The following CADM2 variants were observed in gnomAD, a reference collection of about 807,000 sequenced individuals.
CADM2 encodes immunoglobulin superfamily member 4D.
A neutral mutation model predicts 49.8 loss-of-function variants in CADM2; 12 were observed. That is an observed-to-expected ratio of 0.24 (90% CI 0.15 to 0.39). The LOEUF is 0.39. Among genes scored for constraint, CADM2 ranks in the 10% least tolerant of loss-of-function variants. The probability of loss-of-function intolerance (pLI) is 1.00; values close to 1 mark genes in which losing one functional copy is unlikely to be tolerated. For synonymous variants in CADM2, 214 were observed against 175.4 expected, an observed-to-expected ratio of 1.22 and a Z score of -1.74; for missense variants, 378 against 492.3, an observed-to-expected ratio of 0.77 and a Z score of 2.20.
intron 1 of CADM2, among the ~76,000 whole-genome samples, chr3:85,100,542 G>T (rs1429047154): frequency 1.3e-5 from 2 of 152,056 alleles, no homozygotes; most frequent in African/African-American, 4.8e-5. Flanking sequence ...ATCTCATTGG[G>T]TTACACATAG....
intron 1 of CADM2, among the ~76,000 whole-genome samples, chr3:85,097,630 T>G (rs776431282): frequency 5.4e-4 from 82 of 152,200 alleles, no homozygotes; most frequent in Non-Finnish European, 1.1e-3. Flanking sequence ...TGTAAAAGTG[T>G]TCCTATTTCT....
chr3:85,153,039 T>C (rs1366545112), intron 1 of CADM2, among the ~76,000 whole-genome samples: 1 of 151,014 alleles, frequency 6.6e-6, no homozygotes, highest in Non-Finnish European at 1.5e-5. Context: ...AAGATGGGAA[T>C]AAAAATTACC....
At chr3:85,452,497 A>G (rs1351293098) in intron 1 of CADM2, among the ~76,000 whole-genome samples, 2 of 152,214 alleles carry the variant, frequency 1.3e-5, no homozygotes, top group East Asian at 1.9e-4. Context: ...TTATTATAAT[A>G]TATCTATTAA....
At position 85,883,421 on chromosome 3, in the gene CADM2, C is replaced by T. The variant is rs1713106536; in HGVS notation, c.369C>T (p.Ser123=). The T allele has an allele frequency of 6.2e-7, 1 of 1,613,606 alleles. No homozygotes were observed. The highest frequency in any genetic ancestry group is 8.5e-7 in the Non-Finnish European group (1 of 1,179,688). The change falls in exon 4 of 10, where the codon TCC becomes TCT. Residue 123 remains serine, a synonymous_variant. Coordinates refer to ENST00000383699, the MANE Select transcript of CADM2 (RefSeq NM_001167675.2). ...TATTTACAATGCCTGTCAAAACTTC[C>T]AAGGCATATCTCACCGTTCTGGGTA... is the stretch of plus-strand genomic sequence containing the variant. ...CSLFTMPVKT[S]KAYLTVLGVP...
At chr3:85,193,867 G>A (rs2041273919) in intron 1 of CADM2, among the ~76,000 whole-genome samples, 1 of 152,042 alleles carries the variant, frequency 6.6e-6, no homozygotes, top group Non-Finnish European at 1.5e-5. Context: ...CATGCCAAAT[G>A]CTACCTAGGA....
intron 8 of CADM2, among the ~76,000 whole-genome samples, chr3:86,045,720 C>T (rs950233619): frequency 1.3e-5 from 2 of 151,924 alleles, no homozygotes; most frequent in African/African-American, 4.8e-5. Context: ...GCATTTTCTC[C>T]CCAGTAATAA....
intron 1 of CADM2, among the ~76,000 whole-genome samples, chr3:85,693,468 A>T (rs577635286): frequency 1.9e-4 from 28 of 149,092 alleles, no homozygotes; most frequent in African/African-American, 6.2e-4. Flanking sequence ...TAGTCCCAGC[A>T]ACTCTGGAGG....
intron 8 of CADM2, among the ~76,000 whole-genome samples, chr3:86,040,713 A>G (rs1735782894): frequency 6.6e-6 from 1 of 152,186 alleles, no homozygotes; most frequent in Non-Finnish European, 1.5e-5. Flanking sequence ...CAACATTCAG[A>G]TTCAGGAAAT....
At chr3:85,336,967 A>AAATATATATTTAATATATATATATTT (rs2045099860) in intron 1 of CADM2, among the ~76,000 whole-genome samples, 1 of 16,438 alleles carries the variant, frequency 6.1e-5, no homozygotes, top group African/African-American at 7.1e-5. Context: ...TATATATATT[A>AAATATATATTTAATATATATATATTT]AATATATATT....
intron 2 of CADM2, among the ~76,000 whole-genome samples, chr3:85,744,852 A>G (rs1191480371): frequency 6.6e-6 from 1 of 152,184 alleles, no homozygotes; most frequent in Non-Finnish European, 1.5e-5. Context: ...CAAGGGCTCA[A>G]CTTTTACTCT....
At chr3:85,225,322 T>C (rs1164820057) in intron 1 of CADM2, among the ~76,000 whole-genome samples, 3 of 152,230 alleles carry the variant, frequency 2.0e-5, no homozygotes, top group Admixed American at 2.0e-4. Context: ...TTCACATCCC[T>C]TGTAAGTTGG....
At chr3:85,858,492 C>T (rs1019460886) in intron 3 of CADM2, among the ~76,000 whole-genome samples, 1 of 152,104 alleles carries the variant, frequency 6.6e-6, no homozygotes, top group Non-Finnish European at 1.5e-5. Context: ...CAGTTTCTTT[C>T]GAGCCCATAA....
rs1018977581 is a variant in CADM2 at position 85,200,597 on chromosome 3, G to T, written c.61+240929G>T. Among the ~76,000 whole-genome samples, 3 of 152,012 alleles carry T rather than the reference G, an allele frequency of 2.0e-5. No individual in the cohort carries two copies. The East Asian group carries it at 5.8e-4, about 29-fold the overall frequency. On this transcript the variant is annotated intron_variant, in intron 1 of 9. Coordinates refer to ENST00000383699, the MANE Select transcript of CADM2 (RefSeq NM_001167675.2). Reference sequence around the variant, plus strand: ...GACAGTAAACAGAACTGAGGTAATAGGACAAATATGCGGATTGCTGGAATG... The same window carrying T: ...GACAGTAAACAGAACTGAGGTAATATGACAAATATGCGGATTGCTGGAATG...
intron 1 of CADM2, among the ~76,000 whole-genome samples, chr3:85,667,153 T>C (rs1471298183): frequency 6.6e-6 from 1 of 151,974 alleles, no homozygotes; most frequent in Non-Finnish European, 1.5e-5. Context: ...TCCATCTCCT[T>C]CTAAGAGTAA....
intron 1 of CADM2, among the ~76,000 whole-genome samples, chr3:85,616,134 T>A (rs2063795057): frequency 6.6e-6 from 1 of 151,830 alleles, no homozygotes; most frequent in Non-Finnish European, 1.5e-5. Context: ...AATCCTCATT[T>A]TAAAAAAATG....
intron 1 of CADM2, among the ~76,000 whole-genome samples, chr3:85,723,949 G>C (rs945277844): frequency 2.4e-4 from 36 of 151,872 alleles, no homozygotes; most frequent in Non-Finnish European, 3.4e-4. Flanking sequence ...ATTTATTGAT[G>C]CATTGTAATC....
At chr3:85,777,717 T>C (rs1422799177) in intron 2 of CADM2, among the ~76,000 whole-genome samples, 1 of 152,230 alleles carries the variant, frequency 6.6e-6, no homozygotes, top group Non-Finnish European at 1.5e-5. Context: ...CATTATTTAA[T>C]AGAAGCATGT....
Position 86,067,639 on chromosome 3 carries a change from C to T in CADM2, c.*856C>T, listed in dbSNP as rs1299080630. 6.6e-6 allele frequency: 1 copy of T among 152,460 alleles called. No homozygotes were observed. The highest frequency in any genetic ancestry group is 2.4e-5 in the African/African-American group (1 of 41,432). 9.4% of individuals were successfully genotyped at this position (152,460 alleles called of 1,614,324 possible). On this transcript the variant is annotated 3_prime_UTR_variant, in exon 10 of 10. Transcript: ENST00000383699. The stretch of plus-strand genomic sequence containing the variant: ...TGAAGTATCCATAGGGCACAATTTT[C>T]AGACATTTTAGTATCTGTATATAGT...
intron 1 of CADM2, among the ~76,000 whole-genome samples, chr3:85,529,327 T>C (rs2061242767): frequency 6.6e-6 from 1 of 152,196 alleles, no homozygotes; most frequent in African/African-American, 2.4e-5. Flanking sequence ...CTTCTGTGGC[T>C]TTCCCAAGCT....
Sources: gnomAD v4.1 joint callset for allele counts (sites outside exome capture counted in the v4.1 genomes callset) on GRCh38, gnomAD v4.1.1 for gene constraint, MANE v1.5 for transcripts, NCBI Gene and HGNC (gene_info 2026-07-23, HGNC 2026-07-21) for gene names.